RBFOX1: variants seen among roughly 807,000 people sequenced by gnomAD.
RBFOX1 encodes the protein RNA binding protein fox-1 homolog 1.
Under a neutral mutation model 57.7 loss-of-function variants are expected in RBFOX1, and 8 were observed. The ratio of observed to expected loss-of-function variants is 0.14; its 90% confidence interval spans 0.08 to 0.25. The LOEUF (loss-of-function observed/expected upper bound fraction) is 0.25, where lower values mean the gene tolerates loss of function less well. Among genes scored for constraint, RBFOX1 ranks in the 10% least tolerant of loss-of-function variants. The probability of loss-of-function intolerance (pLI) is 1.00; values close to 1 mark genes in which losing one functional copy is unlikely to be tolerated. For synonymous variants in RBFOX1, 326 were observed against 222.4 expected (o/e 1.47, Z -4.15); for missense variants, 611 against 548.5 (o/e 1.11, Z -1.14).
At chr16:7,576,195 A>AC (rs2093325906) in intron 5 of RBFOX1, among the ~76,000 whole-genome samples, 1 of 151,820 alleles carries the variant, frequency 6.6e-6, no homozygotes, top group Non-Finnish European at 1.5e-5. Flanking sequence ...AAGTGCTGGG[A>AC]TTACAGGCAT....
chr16:5,885,202 G>A lies in RBFOX1; in HGVS notation c.351+17867G>A, dbSNP rs1393202592. On this transcript the variant is annotated intron_variant, in intron 4 of 19. Transcript: ENST00000641259. ...CAGGTTTCCTGTCAGGTTTCTCAGCGCCTCCTCAGTGATCTGCCACCATAA... is the reference window on the plus strand; with the variant it reads ...CAGGTTTCCTGTCAGGTTTCTCAGCACCTCCTCAGTGATCTGCCACCATAA... 3.3e-5 allele frequency among the ~76,000 whole-genome samples: 5 copies of A among 151,804 alleles called. No homozygotes were observed. In the East Asian group the frequency reaches 7.8e-4, roughly 24 times the overall value.
intron 4 of RBFOX1, among the ~76,000 whole-genome samples, chr16:7,349,215 G>T (rs954614219): frequency 6.6e-6 from 1 of 152,144 alleles, no homozygotes. Flanking sequence ...CGGCTCAAGA[G>T]ATCAAGATAT....
At chr16:5,627,742 T>C (rs2048386649) in intron 3 of RBFOX1, among the ~76,000 whole-genome samples, 1 of 152,208 alleles carries the variant, frequency 6.6e-6, no homozygotes. Context: ...GTATAACAAC[T>C]ATTTACATAG....
intron 11 of RBFOX1, among the ~76,000 whole-genome samples, chr16:7,651,647 T>C (rs1351054809): frequency 6.6e-6 from 1 of 152,208 alleles, no homozygotes; most frequent in Non-Finnish European, 1.5e-5. Flanking sequence ...CTTGGCAGTT[T>C]GGATAGAGGG....
intron 3 of RBFOX1, among the ~76,000 whole-genome samples, chr16:5,612,297 C>G (rs569066584): frequency 6.6e-6 from 1 of 152,064 alleles, no homozygotes; most frequent in Non-Finnish European, 1.5e-5. Flanking sequence ...ATCCACCCAC[C>G]CACCCACTTT....
chr16:6,293,664 CAT>C (rs1313406503), intron 1 of RBFOX1, among the ~76,000 whole-genome samples: 1 of 152,148 alleles, frequency 6.6e-6, no homozygotes, highest in Non-Finnish European at 1.5e-5. Flanking sequence ...ATCATAGAAA[CAT>C]AGGGAAGAGG....
intron 3 of RBFOX1, among the ~76,000 whole-genome samples, chr16:6,767,926 T>G (rs1356629567): frequency 1.7e-3 from 131 of 76,388 alleles, no homozygotes; most frequent in African/African-American, 8.5e-3. Flanking sequence ...ATAATAATAA[T>G]AATAATAATA....
intron 2 of RBFOX1, among the ~76,000 whole-genome samples, chr16:6,366,877 C>G (rs1319505785): frequency 1.3e-5 from 2 of 152,188 alleles, no homozygotes; most frequent in East Asian, 3.9e-4. Flanking sequence ...GTGGCTCTCT[C>G]TATTGGGTCT....
chr16:5,870,461 A>G (rs1367100205), intron 4 of RBFOX1, among the ~76,000 whole-genome samples: 2 of 151,664 alleles, frequency 1.3e-5, no homozygotes, highest in Non-Finnish European at 2.9e-5. Flanking sequence ...GGGTGGGGGA[A>G]TGGTCAGATG....
intron 3 of RBFOX1, among the ~76,000 whole-genome samples, chr16:6,908,022 T>G (rs977143478): frequency 6.6e-6 from 1 of 151,874 alleles, no homozygotes; most frequent in Non-Finnish European, 1.5e-5. Flanking sequence ...CATGGTCATA[T>G]TGGATTAGGG....
At chr16:6,086,454 ACTGT>A (rs1418478437) in intron 1 of RBFOX1, among the ~76,000 whole-genome samples, 1 of 152,082 alleles carries the variant, frequency 6.6e-6, no homozygotes, top group Non-Finnish European at 1.5e-5. Flanking sequence ...TTTCACCAGC[ACTGT>A]CTGAGAGTTC....
chr16:6,435,378 G>A (rs1828965617), intron 2 of RBFOX1, among the ~76,000 whole-genome samples: 1 of 151,698 alleles, frequency 6.6e-6, no homozygotes, highest in Non-Finnish European at 1.5e-5. Flanking sequence ...TCGGCTCACT[G>A]CAGCCTCTGC....
intron 2 of RBFOX1, among the ~76,000 whole-genome samples, chr16:6,576,203 T>C (rs2097433206): frequency 6.6e-6 from 1 of 152,152 alleles, no homozygotes; most frequent in Admixed American, 6.5e-5. Flanking sequence ...GTTCAGGCTT[T>C]CGAGTGGGTG....
chr16:6,639,846 T>A (rs183992390), intron 2 of RBFOX1, among the ~76,000 whole-genome samples: 1 of 152,178 alleles, frequency 6.6e-6, no homozygotes, highest in African/African-American at 2.4e-5. Flanking sequence ...GCCACTGCAC[T>A]CCAGCCTGAG....
intron 2 of RBFOX1, among the ~76,000 whole-genome samples, chr16:6,580,266 C>T (rs566349990): frequency 2.6e-5 from 4 of 152,146 alleles, no homozygotes; most frequent in Non-Finnish European, 5.9e-5. Context: ...CAGGCCTGTT[C>T]ATCTTTTAAG....
At chr16:5,968,375 C>T (rs527962819) in intron 4 of RBFOX1, among the ~76,000 whole-genome samples, 2 of 152,178 alleles carry the variant, frequency 1.3e-5, no homozygotes, top group South Asian at 4.2e-4. Context: ...GCCCTGGCCT[C>T]TCCAGTACAT....
intron 2 of RBFOX1, among the ~76,000 whole-genome samples, chr16:6,414,087 G>T (rs1464227704): frequency 2.0e-5 from 3 of 152,168 alleles, no homozygotes; most frequent in African/African-American, 7.2e-5. Flanking sequence ...AAGTACTGTG[G>T]AAAGGGGCTG....
intron 4 of RBFOX1, among the ~76,000 whole-genome samples, chr16:7,187,588 T>C (rs1238004427): frequency 9.7e-5 from 14 of 144,680 alleles, no homozygotes; most frequent in South Asian, 2.2e-4. Context: ...ACTCGGGAGG[T>C]TGAGGCAGGA....
At chr16:7,351,150 G>T (rs935435971) in intron 4 of RBFOX1, among the ~76,000 whole-genome samples, 1 of 152,192 alleles carries the variant, frequency 6.6e-6, no homozygotes, top group African/African-American at 2.4e-5. Flanking sequence ...TATGACCACA[G>T]GGGACAACTT....
Sources: allele counts gnomAD v4.1 joint callset (sites outside exome capture counted in the v4.1 genomes callset), GRCh38; gene constraint gnomAD v4.1.1; transcripts MANE v1.5; gene names NCBI Gene and HGNC (gene_info 2026-07-23, HGNC 2026-07-21).